Variants in NIBAN2 observed in about 807,000 individuals in gnomAD.
NIBAN2 encodes niban apoptosis regulator 2, also known as protein Niban 2.
A neutral mutation model predicts 81.8 loss-of-function variants in NIBAN2; 36 were observed. The observed-to-expected ratio is 0.44, with a 90% CI of 0.34 to 0.58. The LOEUF is 0.58. Ranked by LOEUF, NIBAN2 falls within the 20% of genes least tolerant of loss-of-function variation. The probability of loss-of-function intolerance (pLI) is 0.02; values close to 1 mark genes in which losing one functional copy is unlikely to be tolerated. For missense variants in NIBAN2, 897 were observed against 1,014.1 expected (o/e 0.88, Z 1.57); for synonymous variants, 445 against 441.6 (o/e 1.01, Z -0.10).
chr9:127,529,193 G>A (rs1187953795), intron 2 of NIBAN2, among the ~76,000 whole-genome samples: 1 of 152,148 alleles, frequency 6.6e-6, no homozygotes, highest in East Asian at 1.9e-4. Context: ...CAGATAACTG[G>A]AACTCCTGTG....
rs1006681590 is a variant in NIBAN2 at position 127,568,717 on chromosome 9, C to T, written c.55+103G>A. 1.0e-5 allele frequency: 11 copies of T among 1,054,892 alleles called. No individual in the cohort carries two copies. In the Admixed American group the frequency reaches 1.8e-4, roughly 18 times the overall value. 65.3% of individuals were successfully genotyped at this position (1,054,892 alleles called of 1,614,324 possible). On this transcript the variant is annotated intron_variant, in intron 1 of 13. Transcript: ENST00000373312. ...CAGCTCCCACCGGCCCGGCCTGACT[C>T]CCCCGAGCCCCCGGCCCCGGCGCCA...
In NIBAN2 at chr9:127,527,333, G is replaced by A. The variant is rs368928142; in HGVS notation, c.187-11C>T. 9 of 1,612,410 alleles carry A rather than the reference G, an allele frequency of 5.6e-6. No individual in the cohort carries two copies. The highest frequency in any genetic ancestry group is 4.0e-5 in the African/African-American group (3 of 75,004). On this transcript the variant is annotated splice_polypyrimidine_tract_variant and intron_variant, in intron 2 of 13. Transcript: ENST00000373312. ...CTCGTCCAGTGGCACCTGTGGGCAG[G>A]AGCGGGTGGGGAGTGAGGCCCAGGT... is the stretch of plus-strand genomic sequence containing the variant.
intron 2 of NIBAN2, among the ~76,000 whole-genome samples, chr9:127,530,921 G>A (rs1013879723): frequency 3.9e-5 from 6 of 152,316 alleles, no homozygotes; most frequent in South Asian, 2.1e-4. Flanking sequence ...GCTCACGCCT[G>A]TAATCCCAGC....
chr9:127,540,876 G>A (rs767008701), intron 1 of NIBAN2, among the ~76,000 whole-genome samples: 15 of 152,268 alleles, frequency 9.9e-5, no homozygotes, highest in Middle Eastern at 3.4e-3. Context: ...CCTCACCCAC[G>A]AGGCCCAGCC....
rs80188088 is a variant in NIBAN2 at position 127,564,864 on chromosome 9, C to CA, written c.55+3955dup. ...CTCCAGCCTGAGTGAGACGCCATCTCAAAAAAAAAAAAAAAATCTGTTTTT... is the reference window on the plus strand; with the variant it reads ...CTCCAGCCTGAGTGAGACGCCATCTCAAAAAAAAAAAAAAAAATCTGTTTTT... On this transcript the variant is annotated intron_variant, in intron 1 of 13. Coordinates refer to ENST00000373312, the MANE Select transcript of NIBAN2 (RefSeq NM_022833.4). 6.7e-3 allele frequency among the ~76,000 whole-genome samples: 789 copies of CA among 118,474 alleles called. 9 individuals are homozygous for CA. In the East Asian group the frequency reaches 0.074, roughly 11 times the overall value. 77.7% of individuals were successfully genotyped at this position (118,474 alleles called of 152,430 possible).
intron 1 of NIBAN2, among the ~76,000 whole-genome samples, chr9:127,539,996 A>T (rs1837347753): frequency 6.6e-6 from 1 of 152,152 alleles, no homozygotes; most frequent in Non-Finnish European, 1.5e-5. Context: ...CTGAGCATGA[A>T]GCCCTTTACC....
At chr9:127,535,574 C>G (rs1458647172) in intron 1 of NIBAN2, among the ~76,000 whole-genome samples, 1 of 152,086 alleles carries the variant, frequency 6.6e-6, no homozygotes, top group Non-Finnish European at 1.5e-5. Context: ...GTCCCTGGAC[C>G]AGCGCAGTGC....
At position 127,525,041 on chromosome 9, in the gene NIBAN2, G is replaced by A. The variant is rs767984253; in HGVS notation, c.421+17C>T. Reference sequence around the variant, plus strand: ...GCCTGTGCAGGGCATTGTGGCCTGGGATGGGTGCTCCTTTACCTGGTAAGG... The same window carrying A: ...GCCTGTGCAGGGCATTGTGGCCTGGAATGGGTGCTCCTTTACCTGGTAAGG... On this transcript the variant is annotated intron_variant, in intron 4 of 13. Transcript: ENST00000373312. The A allele has an allele frequency of 3.8e-6, 6 of 1,592,268 alleles. No homozygotes were observed. Among genetic ancestry groups the A allele is most frequent in the Admixed American group, 1.7e-5 (1 of 59,970 alleles).
chr9:127,563,377 G>A lies in NIBAN2; in HGVS notation c.55+5443C>T, dbSNP rs1308568630. Among the ~76,000 whole-genome samples the A allele has an allele frequency of 1.3e-5, 2 of 152,272 alleles. No individual in the cohort carries two copies. Among genetic ancestry groups the A allele is most frequent in the African/African-American group, 4.8e-5 (2 of 41,476 alleles). ...GGCTAAGGGCAGCGGCCCAGGCCCA[G>A]GCACTGCTTCCGGCCAGCCTGGTCT... On this transcript the variant is annotated intron_variant, in intron 1 of 13. Transcript: ENST00000373312. The surrounding 1 kb of genome is among the most constrained non-coding windows in gnomAD (Gnocchi z 4.1).
intron 1 of NIBAN2, among the ~76,000 whole-genome samples, chr9:127,551,937 T>C (rs1370515602): frequency 6.6e-6 from 1 of 152,190 alleles, no homozygotes; most frequent in East Asian, 1.9e-4. Context: ...TCCCCTCCCA[T>C]GAGCTCAGCC....
chr9:127,544,464 A>G (rs953708990), intron 1 of NIBAN2, among the ~76,000 whole-genome samples: 1 of 152,072 alleles, frequency 6.6e-6, no homozygotes, highest in Non-Finnish European at 1.5e-5. Context: ...ATAAGGGCAC[A>G]TGGCTGTTAT....
At position 127,531,765 on chromosome 9, in the gene NIBAN2, C is replaced by G; in HGVS notation, c.69G>C (p.Lys23Asn). 6.2e-7 allele frequency: 1 copy of G among 1,614,196 alleles called. No individual in the cohort carries two copies. The highest frequency in any genetic ancestry group is 8.5e-7 in the Non-Finnish European group (1 of 1,180,026). The stretch of plus-strand genomic sequence containing the variant: ...AGAACTGGAGGAACTCCGTCAGGAT[C>G]TTCCCGGTTTTTTCTGGAAGAGAAG... ...RRQHIAEKTGKILTEFLQFYE... is the reference protein window; with the variant it reads ...RRQHIAEKTGNILTEFLQFYE... Residue 23 changes from lysine (K) to asparagine (N), a missense_variant, in exon 2 of 14, where the codon AAG becomes AAC. Transcript: ENST00000373312.
intron 1 of NIBAN2, among the ~76,000 whole-genome samples, chr9:127,553,580 A>T (rs759395942): frequency 9.9e-5 from 15 of 152,256 alleles, no homozygotes; most frequent in Non-Finnish European, 1.8e-4. Context: ...AGCTGAGGTC[A>T]TCATGGAGAC....
intron 1 of NIBAN2, among the ~76,000 whole-genome samples, chr9:127,562,937 A>T (rs966342614): frequency 1.3e-5 from 2 of 152,206 alleles, no homozygotes; most frequent in Non-Finnish European, 2.9e-5. Flanking sequence ...AAGAAGCAAG[A>T]CACAAACTTG....
At position 127,508,408 on chromosome 9, in the gene NIBAN2, G is replaced by C. The variant is rs201035985; in HGVS notation, c.1434+14C>G. 1 of 1,596,598 alleles carries C rather than the reference G, an allele frequency of 6.3e-7. No individual in the cohort carries two copies. Among genetic ancestry groups the C allele is most frequent in the East Asian group, 2.2e-5 (1 of 44,790 alleles). On this transcript the variant is annotated intron_variant, in intron 11 of 13. Coordinates refer to ENST00000373312, the MANE Select transcript of NIBAN2 (RefSeq NM_022833.4). This position sits in a 1 kb window ranked among gnomAD's most constrained non-coding sequence, Gnocchi z 6.4. ...CGCCTAGGACGGTCCGGGGCAGGGC[G>C]TGGGGCCGCTCACCTTCAGCACCCG...
chr9:127,523,259 A>T (rs1419773218), intron 5 of NIBAN2, among the ~76,000 whole-genome samples: 10 of 107,242 alleles, frequency 9.3e-5, no homozygotes, highest in South Asian at 3.4e-4. Context: ...ATATAAAATT[A>T]AAAAAAAAAT....
chr9:127,531,190 T>A (rs4988928), intron 2 of NIBAN2, among the ~76,000 whole-genome samples: 111,677 of 148,218 alleles, frequency 0.75, 42,622 homozygotes, highest in Middle Eastern at 0.85. Context: ...AAAAAAAAAA[T>A]TGAATAAGCC....
intron 8 of NIBAN2, among the ~76,000 whole-genome samples, chr9:127,516,411 G>A (rs1245186545): frequency 6.6e-6 from 1 of 151,990 alleles, no homozygotes; most frequent in African/African-American, 2.4e-5. Flanking sequence ...CGGGCATGGT[G>A]GCGCGCGTGT....
rs199636501 is a variant in NIBAN2 at position 127,517,862 on chromosome 9, G to A, written c.669C>T (p.Tyr223=). Residue 223 remains tyrosine (Y), a synonymous_variant, in exon 6 of 14, where the codon TAC becomes TAT. Transcript: ENST00000373312. This position sits in a 1 kb window ranked among gnomAD's most constrained non-coding sequence, Gnocchi z 4.0. ...TCCCACACAGCATCTCCCAGGTGCCGTACAGCTCCTTGGACTGTCGGTACA... is the reference window on the plus strand; with the variant it reads ...TCCCACACAGCATCTCCCAGGTGCCATACAGCTCCTTGGACTGTCGGTACA... ...IRMYRQSKEL[Y]GTWEMLCGNE... is the part of the protein sequence containing the mutation. 1.8e-5 allele frequency: 29 copies of A among 1,613,748 alleles called. No homozygotes were observed. The highest frequency in any genetic ancestry group is 6.7e-5 in the East Asian group (3 of 44,854).
Sources: gnomAD v4.1 joint callset for allele counts (sites outside exome capture counted in the v4.1 genomes callset) on GRCh38, gnomAD v4.1.1 for gene constraint, Gnocchi (gnomAD v3.1) non-coding constraint, MANE v1.5 for transcripts, NCBI Gene and HGNC (gene_info 2026-07-23, HGNC 2026-07-21) for gene names.